CPPED1: variants seen among roughly 807,000 people sequenced by gnomAD.
CPPED1 encodes calcineurin like phosphoesterase domain containing 1, also known as serine/threonine-protein phosphatase CPPED1.
In CPPED1, 28 loss-of-function variants were observed where a neutral mutation model predicts 28.0. The ratio of observed to expected loss-of-function variants is 1.00; its 90% CI spans 0.74 to 1.37. CPPED1 has a LOEUF of 1.37. Among genes scored for constraint, CPPED1 ranks in the 40% most tolerant of loss-of-function variants. The pLI, the probability that CPPED1 is intolerant of heterozygous loss-of-function variation, is 0.00. For missense variants in CPPED1, 504 were observed against 416.5 expected (o/e 1.21, Z -1.83); for synonymous variants, 198 against 180.2 (o/e 1.10, Z -0.79).
intron 2 of CPPED1, among the ~76,000 whole-genome samples, chr16:12,753,558 A>T (rs2080344767): frequency 6.6e-6 from 1 of 152,014 alleles, no homozygotes; most frequent in Non-Finnish European, 1.5e-5. Context: ...ACTGATCTCC[A>T]TGCCTAGACC....
At chr16:12,755,665 A>T (rs1335903627) in intron 2 of CPPED1, among the ~76,000 whole-genome samples, 1 of 152,216 alleles carries the variant, frequency 6.6e-6, no homozygotes, top group Non-Finnish European at 1.5e-5. Context: ...GAAGGCTAAT[A>T]CGCATACAAT....
intron 2 of CPPED1, among the ~76,000 whole-genome samples, chr16:12,714,238 A>G (rs79728635): frequency 0.034 from 5,165 of 152,304 alleles, 131 homozygotes; most frequent in East Asian, 0.1. Flanking sequence ...ATGCTGCTAT[A>G]AAAATCCACG....
In CPPED1 at chr16:12,661,265, A is replaced by G. The variant is rs1323161384; in HGVS notation, c.*3621T>C. 1.3e-5 allele frequency: 2 copies of G among 152,176 alleles called. No homozygotes were observed. Among genetic ancestry groups the G allele is most frequent in the African/African-American group, 2.4e-5 (1 of 41,440 alleles). 9.4% of individuals were successfully genotyped at this position (152,176 alleles called of 1,614,324 possible). On this transcript the variant is annotated 3_prime_UTR_variant, in exon 4 of 4. Coordinates refer to ENST00000381774, the MANE Select transcript of CPPED1 (RefSeq NM_018340.3). ...GTGTCTTTTACAGGTATATAAGGTC[A>G]ATGGCCCTAGTCTAATTCAGATTTA...
intron 3 of CPPED1, among the ~76,000 whole-genome samples, chr16:12,673,297 C>T (rs1055772108): frequency 2.0e-5 from 3 of 152,190 alleles, no homozygotes; most frequent in South Asian, 2.1e-4. Flanking sequence ...AATGGGACCG[C>T]GTAAGATCAG....
chr16:12,801,757 A>C (rs1042664654), intron 1 of CPPED1, among the ~76,000 whole-genome samples: 1 of 152,190 alleles, frequency 6.6e-6, no homozygotes. Flanking sequence ...TTCTCAAATT[A>C]GGATGATTTT....
intron 3 of CPPED1, among the ~76,000 whole-genome samples, chr16:12,692,283 G>C (rs2079967724): frequency 6.6e-6 from 1 of 152,024 alleles, no homozygotes. Context: ...CCCCGGTGTG[G>C]TGAACAGAAC....
chr16:12,746,984 C>T (rs1362851661), intron 2 of CPPED1, among the ~76,000 whole-genome samples: 7 of 149,486 alleles, frequency 4.7e-5, no homozygotes, highest in Admixed American at 4.0e-4. Context: ...GGGGAACAGA[C>T]AACATATAGA....
intron 3 of CPPED1, among the ~76,000 whole-genome samples, chr16:12,691,615 A>G (rs2079963188): frequency 6.6e-6 from 1 of 152,200 alleles, no homozygotes; most frequent in Non-Finnish European, 1.5e-5. Context: ...CATATACAGC[A>G]TGGAATACTA....
intron 1 of CPPED1, among the ~76,000 whole-genome samples, chr16:12,786,050 C>T (rs375188388): frequency 1.4e-4 from 21 of 152,088 alleles, no homozygotes; most frequent in African/African-American, 4.1e-4. Flanking sequence ...TGCTAATTAA[C>T]GAGGAGAACT....
chr16:12,766,277 G>GGA (rs762583415), intron 2 of CPPED1, among the ~76,000 whole-genome samples: 14 of 119,962 alleles, frequency 1.2e-4, no homozygotes, highest in Non-Finnish European at 2.2e-4. Flanking sequence ...AGAGAGAGAG[G>GGA]GAGAGAGAGA....
intron 3 of CPPED1, among the ~76,000 whole-genome samples, chr16:12,683,574 A>C (rs78699379): frequency 0.05 from 7,582 of 152,118 alleles, 450 homozygotes; most frequent in East Asian, 0.14. Context: ...GCCCCAATGC[A>C]CACCCCTCCT....
intron 2 of CPPED1, among the ~76,000 whole-genome samples, chr16:12,748,882 CAAAAAAA>C: frequency 7.4e-6 from 1 of 135,058 alleles, no homozygotes; most frequent in East Asian, 2.2e-4. Flanking sequence ...GACTCCATCT[CAAAAAAA>C]AAAAAAAGTA....
chr16:12,680,314 AT>A (rs578241125), intron 3 of CPPED1, among the ~76,000 whole-genome samples: 1 of 151,808 alleles, frequency 6.6e-6, no homozygotes, highest in African/African-American at 2.4e-5. Flanking sequence ...ATCTGTATGC[AT>A]TTTTTCCTGT....
intron 3 of CPPED1, among the ~76,000 whole-genome samples, chr16:12,688,080 A>T (rs1223436600): frequency 6.6e-6 from 1 of 150,472 alleles, no homozygotes; most frequent in Non-Finnish European, 1.5e-5. Flanking sequence ...CCCAGGCTAC[A>T]CTGCAGTGGT....
At chr16:12,748,403 T>C (rs900719667) in intron 2 of CPPED1, among the ~76,000 whole-genome samples, 4 of 152,168 alleles carry the variant, frequency 2.6e-5, no homozygotes, top group Non-Finnish European at 5.9e-5. Flanking sequence ...ACACACAGTT[T>C]AAAAACATGT....
At chr16:12,714,335 G>A (rs139075596) in intron 2 of CPPED1, among the ~76,000 whole-genome samples, 1 of 152,262 alleles carries the variant, frequency 6.6e-6, no homozygotes, top group East Asian at 1.9e-4. Flanking sequence ...GAGTTACATG[G>A]TAACTATATG....
intron 3 of CPPED1, among the ~76,000 whole-genome samples, chr16:12,697,175 C>A (rs2079995817): frequency 6.6e-6 from 1 of 152,058 alleles, no homozygotes; most frequent in Admixed American, 6.6e-5. Flanking sequence ...CAAGTGTGTG[C>A]CATCACGCTT....
At chr16:12,714,340 T>C in intron 2 of CPPED1, among the ~76,000 whole-genome samples, 1 of 152,228 alleles carries the variant, frequency 6.6e-6, no homozygotes, top group East Asian at 1.9e-4. Flanking sequence ...ACATGGTAAC[T>C]ATATGTGTTT....
intron 3 of CPPED1, among the ~76,000 whole-genome samples, chr16:12,676,547 G>A (rs2079878693): frequency 1.3e-5 from 2 of 152,132 alleles, no homozygotes; most frequent in South Asian, 4.1e-4. Flanking sequence ...GATTCACATA[G>A]CTAAGATGTA....
Sources: gnomAD v4.1 joint callset for allele counts (sites outside exome capture counted in the v4.1 genomes callset) on GRCh38, gnomAD v4.1.1 for gene constraint, MANE v1.5 for transcripts, NCBI Gene and HGNC (gene_info 2026-07-23, HGNC 2026-07-21) for gene names.